The following NYAP2 variants were observed in gnomAD, a reference collection of about 807,000 sequenced individuals.
The protein encoded by NYAP2 is neuronal tyrosine-phosphorylated phosphoinositide-3-kinase adaptor 2.
Under a neutral mutation model 50.4 loss-of-function variants are expected in NYAP2, and 23 were observed. The ratio of observed to expected loss-of-function variants is 0.46; its 90% CI spans 0.33 to 0.65. The LOEUF is 0.65. Among genes scored for constraint, NYAP2 ranks in the 30% least tolerant of loss-of-function variants. NYAP2 has a pLI of 0.02. For synonymous variants in NYAP2, 394 were observed against 365.2 expected (o/e 1.08, Z -0.90); for missense variants, 885 against 861.0 (o/e 1.03, Z -0.35).
chr2:225,513,714 G>C (rs1690876534), intron 4 of NYAP2, 42 bp downstream of exon 4: 1 of 1,465,058 alleles, frequency 6.8e-7, no homozygotes, highest in East Asian at 2.4e-5. Context: ...ATCTCTTTCA[G>C]ATAGTATGTT....
intron 4 of NYAP2, among the ~76,000 whole-genome samples, chr2:225,570,672 G>C (rs1692052358): frequency 6.6e-6 from 1 of 152,118 alleles, no homozygotes; most frequent in African/African-American, 2.4e-5. Flanking sequence ...ATAACACATG[G>C]GGATTATGGG....
chr2:225,579,440 CT>C (rs1285004331), intron 4 of NYAP2, among the ~76,000 whole-genome samples: 1 of 152,198 alleles, frequency 6.6e-6, no homozygotes, highest in Non-Finnish European at 1.5e-5. Flanking sequence ...AGCAGTTGTT[CT>C]ACTTAATTCT....
intron 4 of NYAP2, among the ~76,000 whole-genome samples, chr2:225,537,010 C>T (rs1691363565): frequency 6.6e-6 from 1 of 152,052 alleles, no homozygotes; most frequent in Admixed American, 6.6e-5. Flanking sequence ...AATCTCCTTA[C>T]CTTGTGATCC....
chr2:225,692,766 T>C, the NYAP2 span, among the ~76,000 whole-genome samples: 2 of 152,000 alleles, frequency 1.3e-5, no homozygotes, highest in African/African-American at 4.8e-5. Flanking sequence ...AATCAAGTCA[T>C]TTAGCTCTTT....
intron 3 of NYAP2, among the ~76,000 whole-genome samples, chr2:225,413,799 T>G (rs1312916770): frequency 6.6e-6 from 1 of 152,182 alleles, no homozygotes; most frequent in Non-Finnish European, 1.5e-5. Context: ...GTAACATATC[T>G]ACTGGATGCT....
At chr2:225,530,322 G>A (rs1007727488) in intron 4 of NYAP2, among the ~76,000 whole-genome samples, 7 of 152,056 alleles carry the variant, frequency 4.6e-5, no homozygotes, top group Non-Finnish European at 8.8e-5. Flanking sequence ...CTACTGAAAG[G>A]CCTCCTGCAC....
upstream of NYAP2, among the ~76,000 whole-genome samples, chr2:225,398,392 A>G (rs191655260): frequency 5.8e-4 from 89 of 152,198 alleles, no homozygotes; most frequent in African/African-American, 2.1e-3. Flanking sequence ...ATTATCAGTC[A>G]TGATAAAGTG....
chr2:225,682,337 C>T, the NYAP2 span, among the ~76,000 whole-genome samples: 7 of 152,236 alleles, frequency 4.6e-5, no homozygotes, highest in South Asian at 1.5e-3. Flanking sequence ...CTCTTTATTT[C>T]AGTAAGTGTG....
intron 5 of NYAP2, among the ~76,000 whole-genome samples, chr2:225,624,859 C>T (rs998395055): frequency 6.6e-6 from 1 of 151,266 alleles, no homozygotes; most frequent in African/African-American, 2.4e-5. Flanking sequence ...ATGAGGTTCC[C>T]CAAGAGGTGA....
chr2:225,677,015 A>G, the NYAP2 span, among the ~76,000 whole-genome samples: 1 of 152,184 alleles, frequency 6.6e-6, no homozygotes, highest in African/African-American at 2.4e-5. Context: ...CATTTTAACT[A>G]TACAGATTCT....
intron 3 of NYAP2, among the ~76,000 whole-genome samples, chr2:225,452,857 A>G (rs1321317212): frequency 6.6e-6 from 1 of 152,146 alleles, no homozygotes; most frequent in Non-Finnish European, 1.5e-5. Flanking sequence ...GTTGGCTAAA[A>G]TCTACTTGTT....
intron 5 of NYAP2, among the ~76,000 whole-genome samples, chr2:225,596,317 A>T (rs1429698540): frequency 1.3e-5 from 2 of 152,222 alleles, no homozygotes; most frequent in African/African-American, 4.8e-5. Flanking sequence ...TTCTTCTGAC[A>T]TATGACTGAC....
intron 4 of NYAP2, among the ~76,000 whole-genome samples, chr2:225,528,726 C>T (rs916286311): frequency 2.6e-5 from 4 of 152,204 alleles, no homozygotes; most frequent in African/African-American, 9.7e-5. Context: ...AGCAAACCCA[C>T]TTCCCAGTGC....
chr2:225,418,913 A>C (rs530368576), intron 3 of NYAP2, among the ~76,000 whole-genome samples: 3 of 152,318 alleles, frequency 2.0e-5, no homozygotes, highest in East Asian at 3.9e-4. Context: ...CATGAGATCT[A>C]TTCTCCTAAC....
chr2:225,698,872 GGTTT>G, the NYAP2 span: 177 of 151,834 alleles, frequency 1.2e-3, 1 homozygote, highest in African/African-American at 4.0e-3. Context: ...AGTATTAACT[GGTTT>G]GTTATCTCTT....
intron 4 of NYAP2, among the ~76,000 whole-genome samples, chr2:225,570,131 A>G (rs1461617543): frequency 6.6e-6 from 1 of 152,172 alleles, no homozygotes; most frequent in Non-Finnish European, 1.5e-5. Flanking sequence ...CAAATATCAA[A>G]CTAGAACTTG....
At position 225,477,231 on chromosome 2, in the gene NYAP2, C is replaced by CTTTTTTTTTTTT. The variant is rs11378712; in HGVS notation, c.222-36128_222-36117dup. On this transcript the variant is annotated intron_variant, in intron 3 of 6. Coordinates refer to ENST00000636099, the Ensembl canonical transcript of NYAP2. ...TTAGCAGGTCTGAGAGTCTCTATTT[C>CTTTTTTTTTTTT]TTTTTTTTTTTTTTTTTTTTTTTGA... 4.0e-4 allele frequency among the ~76,000 whole-genome samples: 35 copies of CTTTTTTTTTTTT among 87,466 alleles called. 2 individuals are homozygous for CTTTTTTTTTTTT. Among genetic ancestry groups the CTTTTTTTTTTTT allele is most frequent in the African/African-American group, 1.6e-3 (34 of 21,532 alleles). The allele number at this position is 87,466 out of a possible 152,430, so 57.4% of individuals were successfully genotyped here.
chr2:225,455,094 AAAAAC>A (rs923526689), intron 3 of NYAP2, among the ~76,000 whole-genome samples: 8 of 152,124 alleles, frequency 5.3e-5, no homozygotes, highest in South Asian at 2.1e-4. Flanking sequence ...GGAAAAGGCA[AAAAAC>A]AAAACAAAAC....
chr2:225,685,772 T>A, the NYAP2 span, among the ~76,000 whole-genome samples: 1,318 of 152,302 alleles, frequency 8.7e-3, 30 homozygotes, highest in African/African-American at 0.03. Context: ...ACATAGTTTT[T>A]AAAATATATT....
Sources: gnomAD v4.1 joint callset for allele counts (sites outside exome capture counted in the v4.1 genomes callset) on GRCh38, gnomAD v4.1.1 for gene constraint, MANE v1.5 for transcripts, NCBI Gene and HGNC (gene_info 2026-07-23, HGNC 2026-07-21) for gene names.